Variants in SLC35F4 observed in about 807,000 individuals in gnomAD.
SLC35F4 encodes solute carrier family 35 member F4, also known as chromosome 14 open reading frame 36.
SLC35F4 carries 24 observed loss-of-function variants against 44.2 expected under a neutral mutation model. That is an observed-to-expected ratio of 0.54 (90% CI 0.39 to 0.76). The LOEUF (loss-of-function observed/expected upper bound fraction) is 0.76. SLC35F4 is among the 30% of genes least tolerant of loss of function. The pLI is 0.00. For missense variants in SLC35F4, 562 were observed against 586.1 expected (o/e 0.96, Z 0.42); for synonymous variants, 238 against 223.6 (o/e 1.06, Z -0.57).
chr14:57,830,107 C>T (rs1363899088), intron 1 of SLC35F4, among the ~76,000 whole-genome samples: 3 of 152,042 alleles, frequency 2.0e-5, no homozygotes, highest in Non-Finnish European at 4.4e-5. Flanking sequence ...ACATTGTCTG[C>T]TACCTACAAA....
intron 1 of SLC35F4, among the ~76,000 whole-genome samples, chr14:57,634,588 G>A (rs750379454): frequency 6.8e-4 from 103 of 152,250 alleles, no homozygotes; most frequent in Middle Eastern, 3.4e-3. Flanking sequence ...GTGAGTGAGC[G>A]AGGAATTCAC....
At chr14:57,943,971 G>A (rs1185223829) in intron 1 of SLC35F4, among the ~76,000 whole-genome samples, 2 of 152,092 alleles carry the variant, frequency 1.3e-5, no homozygotes, top group African/African-American at 2.4e-5. Context: ...GAGATGACAG[G>A]CAGCTATTGC....
intron 1 of SLC35F4, among the ~76,000 whole-genome samples, chr14:57,773,096 T>C (rs72624716): frequency 0.11 from 16,891 of 152,210 alleles, 1,099 homozygotes; most frequent in East Asian, 0.31. Context: ...ATCGGTGATG[T>C]TGAGCATTTT....
At chr14:57,901,609 C>A (rs563666058) in intron 1 of SLC35F4, among the ~76,000 whole-genome samples, 1 of 152,214 alleles carries the variant, frequency 6.6e-6, no homozygotes, top group African/African-American at 2.4e-5. Flanking sequence ...TGCAGCAAAC[C>A]ACCATGGCAC....
intron 1 of SLC35F4, among the ~76,000 whole-genome samples, chr14:57,649,534 C>G (rs1044259219): frequency 6.6e-6 from 1 of 152,164 alleles, no homozygotes; most frequent in Non-Finnish European, 1.5e-5. Context: ...CTCTCCTCTT[C>G]AAGATCCTTA....
At chr14:57,878,160 G>A (rs538282514) in intron 1 of SLC35F4, among the ~76,000 whole-genome samples, 25 of 151,976 alleles carry the variant, frequency 1.6e-4, no homozygotes, top group Non-Finnish European at 3.2e-4. Context: ...ATTTTTAATG[G>A]GGCTGTTTGC....
chr14:57,595,272 T>C (rs2070424633), intron 1 of SLC35F4, among the ~76,000 whole-genome samples: 1 of 152,222 alleles, frequency 6.6e-6, no homozygotes. Context: ...TATATTTGGC[T>C]CATGGATTTT....
intron 1 of SLC35F4, among the ~76,000 whole-genome samples, chr14:57,920,851 G>A (rs545257609): frequency 6.6e-6 from 1 of 152,312 alleles, no homozygotes. Flanking sequence ...GACTTGAGAA[G>A]AAAGAGCCAT....
rs139375887 is a variant in SLC35F4 at position 57,966,116 on chromosome 14, T to C, written n.282+15797A>G. Among the ~76,000 whole-genome samples the C allele has an allele frequency of 2.2e-3, 330 of 152,344 alleles. 3 individuals are homozygous for C. Among genetic ancestry groups the C allele is most frequent in the African/African-American group, 7.5e-3 (311 of 41,586 alleles). On this transcript the variant is annotated intron_variant and non_coding_transcript_variant, in intron 1 of 1. Transcript: ENST00000556568. ...ATCTGCATTTTAAAGAGTTCTTTCA[T>C]GACGCTGATGCAAGCTAAAGCTTGA...
At chr14:57,749,657 C>T (rs2140554218) in intron 1 of SLC35F4, among the ~76,000 whole-genome samples, 1 of 152,332 alleles carries the variant, frequency 6.6e-6, no homozygotes, top group African/African-American at 2.4e-5. Flanking sequence ...TGACCAGCCT[C>T]TCAGAAGCTG....
At chr14:57,720,606 C>A (rs1258215750) in intron 1 of SLC35F4, among the ~76,000 whole-genome samples, 1 of 151,906 alleles carries the variant, frequency 6.6e-6, no homozygotes, top group Non-Finnish European at 1.5e-5. Flanking sequence ...ACTGTGATGG[C>A]TAATACTGAG....
At position 57,711,274 on chromosome 14, in the gene SLC35F4, C is replaced by T. The variant is rs374028797; in HGVS notation, c.104-117150G>A. Among the ~76,000 whole-genome samples the T allele has an allele frequency of 1.3e-3, 204 of 152,162 alleles. 2 individuals carry two copies. The South Asian group carries it at 0.014, about 11-fold the overall frequency. On this transcript the variant is annotated intron_variant, in intron 1 of 7. Coordinates refer to ENST00000556826, the MANE Select transcript of SLC35F4 (RefSeq NM_001306087.2). ...GGCACCTTGCTTCCCCTTTGCCTTCCGCCATGATTGTAAGTTCCCTGAGGC... is the reference window on the plus strand; with the variant it reads ...GGCACCTTGCTTCCCCTTTGCCTTCTGCCATGATTGTAAGTTCCCTGAGGC...
chr14:57,784,940 GCTTTT>G (rs562425753), intron 1 of SLC35F4, among the ~76,000 whole-genome samples: 1 of 152,138 alleles, frequency 6.6e-6, no homozygotes, highest in African/African-American at 2.4e-5. Context: ...TCTTCCTTAT[GCTTTT>G]CTTAATAACA....
In SLC35F4 at chr14:57,640,273, G is replaced by A. The variant is rs75733154; in HGVS notation, c.104-46149C>T. ...AACCAAAATTCTGTAAATCCCCACT[G>A]AATAGAGGAAAGATAAAGAATCCAT... is the stretch of plus-strand genomic sequence containing the variant. On this transcript the variant is annotated intron_variant, in intron 1 of 7. Coordinates refer to ENST00000556826, the MANE Select transcript of SLC35F4 (RefSeq NM_001306087.2). 6.3e-3 allele frequency among the ~76,000 whole-genome samples: 953 copies of A among 151,924 alleles called. 8 individuals are homozygous for A. Among genetic ancestry groups the A allele is most frequent in the African/African-American group, 0.021 (890 of 41,472 alleles).
At chr14:57,903,760 G>A (rs1425181002) in intron 1 of SLC35F4, among the ~76,000 whole-genome samples, 2 of 152,170 alleles carry the variant, frequency 1.3e-5, no homozygotes, top group African/African-American at 2.4e-5. Context: ...AAAAAATTAT[G>A]TAAAAACATA....
intron 1 of SLC35F4, among the ~76,000 whole-genome samples, chr14:57,831,612 T>C (rs1001318940): frequency 6.6e-6 from 1 of 152,210 alleles, no homozygotes; most frequent in African/African-American, 2.4e-5. Context: ...TCCTGTGTTA[T>C]TGTTTTCTGT....
intron 1 of SLC35F4, among the ~76,000 whole-genome samples, chr14:57,961,071 G>T (rs149729676): frequency 6.6e-6 from 1 of 152,046 alleles, no homozygotes; most frequent in African/African-American, 2.4e-5. Context: ...AAGAAGATAC[G>T]TGGGGCAAGT....
intron 1 of SLC35F4, among the ~76,000 whole-genome samples, chr14:57,609,568 G>A (rs2071369400): frequency 6.6e-6 from 1 of 152,234 alleles, no homozygotes; most frequent in South Asian, 2.1e-4. Context: ...TGGGAGCTAT[G>A]CAAGTATTAG....
intron 1 of SLC35F4, among the ~76,000 whole-genome samples, chr14:57,605,917 A>C (rs2071136255): frequency 6.6e-6 from 1 of 152,204 alleles, no homozygotes; most frequent in Non-Finnish European, 1.5e-5. Context: ...CATTGTGTAG[A>C]CATGGTCATA....
Sources: allele counts gnomAD v4.1 joint callset (sites outside exome capture counted in the v4.1 genomes callset), GRCh38; gene constraint gnomAD v4.1.1; transcripts MANE v1.5; gene names NCBI Gene and HGNC (gene_info 2026-07-23, HGNC 2026-07-21).